STK24: variants seen among roughly 807,000 people sequenced by gnomAD.
STK24 encodes serine/threonine kinase 24.
Under a neutral mutation model 55.6 loss-of-function variants are expected in STK24, and 21 were observed. That is an observed-to-expected ratio of 0.38 (90% CI 0.27 to 0.54). The LOEUF (loss-of-function observed/expected upper bound fraction) is 0.54, where lower values mean the gene tolerates loss of function less well. STK24 is among the 20% of genes least tolerant of loss of function. The probability of loss-of-function intolerance (pLI) is 0.79; values close to 1 mark genes in which losing one functional copy is unlikely to be tolerated. For synonymous variants in STK24, 200 were observed against 215.2 expected (o/e 0.93, Z 0.62); for missense variants, 383 against 538.4 (o/e 0.71, Z 2.86).
chr13:98,576,456 G>A lies in STK24; in HGVS notation c.42+289C>T, dbSNP rs771863595. On this transcript the variant is annotated intron_variant, in intron 1 of 10. Coordinates refer to ENST00000539966, the MANE Select transcript of STK24 (RefSeq NM_001032296.4). Reference sequence around the variant, plus strand: ...ACCCAGGGCCTGCAGCTCCGGAAGAGTGTTGGGGCGAGGGGAGCGCGGAGG... The same window carrying A: ...ACCCAGGGCCTGCAGCTCCGGAAGAATGTTGGGGCGAGGGGAGCGCGGAGG... 4.5e-4 allele frequency among the ~76,000 whole-genome samples: 68 copies of A among 152,126 alleles called. 2 individuals carry two copies. The highest frequency in any genetic ancestry group is 1.0e-4 in the Non-Finnish European group (7 of 67,996).
intron 10 of STK24, chr13:98,454,867 A>C (rs575734519): frequency 1.3e-5 from 2 of 152,394 alleles, no homozygotes; most frequent in South Asian, 4.1e-4. Context: ...AGAGGAGGAA[A>C]GAGGGCACTC....
rs1417310677 is a variant in STK24, at chr13:98,449,138, G to A, written c.*4035C>T. 6.6e-6 allele frequency: 1 copy of A among 152,178 alleles called. No homozygotes were observed. The highest frequency in any genetic ancestry group is 2.4e-5 in the African/African-American group (1 of 41,442). The allele number at this position is 152,178 out of a possible 1,614,324, so 9.4% of individuals were successfully genotyped here. ...CTGTGTCACAAGCATGAAAACCCGTGTGTCATTGATCAGCACCATTTGTGG... is the reference window on the plus strand; with the variant it reads ...CTGTGTCACAAGCATGAAAACCCGTATGTCATTGATCAGCACCATTTGTGG... On this transcript the variant is annotated 3_prime_UTR_variant, in exon 11 of 11. Transcript: ENST00000539966.
intron 1 of STK24, among the ~76,000 whole-genome samples, chr13:98,542,013 G>T (rs1784298618): frequency 6.6e-6 from 1 of 152,192 alleles, no homozygotes; most frequent in South Asian, 2.1e-4. Context: ...GAACACAAGT[G>T]AGTCAAAGCT....
In STK24 at chr13:98,496,322, A is replaced by G. The variant is rs1292736098; in HGVS notation, c.274-14001T>C. ...TTGCCACAATCCAAACTGAAGTCAC[A>G]AGGATAAAGATTTTGTTTATTGCTT... On this transcript the variant is annotated intron_variant, in intron 2 of 10. Transcript: ENST00000539966. Among the ~76,000 whole-genome samples, 3 of 152,346 alleles carry G rather than the reference A, an allele frequency of 2.0e-5. No homozygotes were observed. In the East Asian group the frequency reaches 5.8e-4, roughly 29 times the overall value.
At chr13:98,469,514 T>C (rs1271934899) in intron 5 of STK24, among the ~76,000 whole-genome samples, 1 of 147,960 alleles carries the variant, frequency 6.8e-6, no homozygotes, top group African/African-American at 2.5e-5. Flanking sequence ...TAAGTCTGGG[T>C]GACAGAGCAA....
intron 1 of STK24, among the ~76,000 whole-genome samples, chr13:98,574,051 G>A (rs751948928): frequency 3.3e-5 from 5 of 151,064 alleles, no homozygotes; most frequent in Non-Finnish European, 7.4e-5. Flanking sequence ...TGCCTCTGTC[G>A]CCCAGGCTGG....
chr13:98,536,527 G>A (rs1476569423), intron 1 of STK24, among the ~76,000 whole-genome samples: 10 of 152,008 alleles, frequency 6.6e-5, no homozygotes, highest in Non-Finnish European at 1.5e-5. Context: ...ACCATGCCTG[G>A]CTGACTGTTA....
At chr13:98,508,623 G>A (rs910439994) in intron 2 of STK24, among the ~76,000 whole-genome samples, 1 of 152,100 alleles carries the variant, frequency 6.6e-6, no homozygotes, top group African/African-American at 2.4e-5. Context: ...GAGGAACAGG[G>A]GGTATTTTAA....
chr13:98,521,743 T>C, intron 1 of STK24: 1 of 777,850 alleles, frequency 1.3e-6, no homozygotes, highest in Non-Finnish European at 2.4e-6. Flanking sequence ...CAGCAGCTAC[T>C]ATCCTCGCTG....
intron 1 of STK24, among the ~76,000 whole-genome samples, chr13:98,530,001 A>C (rs1346311376): frequency 6.6e-6 from 1 of 152,190 alleles, no homozygotes; most frequent in African/African-American, 2.4e-5. Flanking sequence ...CTGCTGGAGA[A>C]GGAAGCCGAT....
rs11351684 is a variant in STK24 at position 98,457,465 on chromosome 13, C to CT, written c.1123-162dup. Among the ~76,000 whole-genome samples the CT allele has an allele frequency of 5.8e-3, 646 of 110,792 alleles. 3 individuals carry two copies. Among genetic ancestry groups the CT allele is most frequent in the South Asian group, 9.5e-3 (33 of 3,464 alleles). 72.7% of individuals were successfully genotyped at this position (110,792 alleles called of 152,430 possible). On this transcript the variant is annotated intron_variant, in intron 9 of 10. Coordinates refer to ENST00000539966, the MANE Select transcript of STK24 (RefSeq NM_001032296.4). ...TAGGGCTCCAGGCCACTTCAAATTG[C>CT]TTTTTTTTTTTTTTTTTTTTGTGAG...
At chr13:98,512,572 T>G (rs200508792) in intron 2 of STK24, among the ~76,000 whole-genome samples, 1 of 27,518 alleles carries the variant, frequency 3.6e-5, no homozygotes, top group Admixed American at 2.4e-4. Flanking sequence ...ACAAAGTAAG[T>G]TTTTTTTTTT....
At chr13:98,542,950 G>A (rs1244532703) in intron 1 of STK24, 2 of 985,292 alleles carry the variant, frequency 2.0e-6, no homozygotes, top group Admixed American at 6.1e-5. Flanking sequence ...ACGATGGGAC[G>A]GAGTACCAAG....
At chr13:98,460,343 C>A in intron 9 of STK24, 29 bp downstream of exon 9, 2 of 1,602,014 alleles carry the variant, frequency 1.2e-6, no homozygotes, top group South Asian at 1.1e-5. Context: ...CCTCCCCTCC[C>A]ACTCCGAAAA....
At chr13:98,533,607 G>C (rs1451352534) in intron 1 of STK24, among the ~76,000 whole-genome samples, 1 of 139,706 alleles carries the variant, frequency 7.2e-6, no homozygotes, top group Admixed American at 7.1e-5. Context: ...TTATGATTGA[G>C]CCACTGCACT....
Position 98,456,851 on chromosome 13 carries a change from A to G in STK24, c.1259+317T>C, listed in dbSNP as rs147936296. 5.4e-4 allele frequency: 247 copies of G among 458,652 alleles called. 4 individuals are homozygous for G. The East Asian group carries it at 0.01, about 19-fold the overall frequency. The allele number at this position is 458,652 out of a possible 1,614,324, so 28.4% of individuals were successfully genotyped here. A position where few individuals can be genotyped will look rare whatever the true frequency, so the allele number is the denominator to read the frequency against. On this transcript the variant is annotated intron_variant, in intron 10 of 10. Coordinates refer to ENST00000539966, the MANE Select transcript of STK24 (RefSeq NM_001032296.4). ...AGTTACACACATCTGGCTAAGAACG[A>G]TCATTCTCTGGCCAATAATTAAGCT...
At chr13:98,561,667 T>A (rs1897422465) in intron 1 of STK24, among the ~76,000 whole-genome samples, 1 of 151,974 alleles carries the variant, frequency 6.6e-6, no homozygotes, top group African/African-American at 2.4e-5. Context: ...TGGCTGGTAC[T>A]CCTCTGTCCT....
chr13:98,458,667 C>T (rs1404678991), intron 9 of STK24, among the ~76,000 whole-genome samples: 1 of 152,218 alleles, frequency 6.6e-6, no homozygotes, highest in African/African-American at 2.4e-5. Flanking sequence ...CCATGCCCCG[C>T]CCCTAAGTCT....
At chr13:98,458,185 T>G (rs1893546176) in intron 9 of STK24, among the ~76,000 whole-genome samples, 1 of 152,190 alleles carries the variant, frequency 6.6e-6, no homozygotes, top group African/African-American at 2.4e-5. Flanking sequence ...CAACAGTGCC[T>G]TCAGACACTT....
Sources: gnomAD v4.1 joint callset for allele counts (sites outside exome capture counted in the v4.1 genomes callset) on GRCh38, gnomAD v4.1.1 for gene constraint, MANE v1.5 for transcripts, NCBI Gene and HGNC (gene_info 2026-07-23, HGNC 2026-07-21) for gene names.